The following CACNB4 variants were observed in gnomAD, a reference collection of about 807,000 sequenced individuals.
CACNB4 encodes voltage-dependent L-type calcium channel subunit beta-4.
In CACNB4, 32 loss-of-function variants were observed where a neutral mutation model predicts 71.2. The observed-to-expected ratio is 0.45, with a 90% CI of 0.34 to 0.60. The LOEUF is 0.60. CACNB4 is among the 20% of genes least tolerant of loss of function. CACNB4 has a pLI of 0.01. For missense variants in CACNB4, 464 were observed against 647.9 expected (o/e 0.72, Z 3.08); for synonymous variants, 231 against 236.9 (o/e 0.97, Z 0.23).
At chr2:151,946,417 G>A (rs1245759287) in intron 2 of CACNB4, among the ~76,000 whole-genome samples, 1 of 151,812 alleles carries the variant, frequency 6.6e-6, no homozygotes, top group Non-Finnish European at 1.5e-5. Flanking sequence ...ACACAGGACA[G>A]TCCCAGGCAA....
chr2:151,949,653 G>A (rs189314475), intron 2 of CACNB4, among the ~76,000 whole-genome samples: 13 of 152,316 alleles, frequency 8.5e-5, no homozygotes, highest in African/African-American at 1.2e-4. Context: ...TCAAGGTCCT[G>A]ATGTGCCAAG....
At chr2:152,066,672 CT>C (rs962603702) in intron 2 of CACNB4, among the ~76,000 whole-genome samples, 2 of 150,500 alleles carry the variant, frequency 1.3e-5, no homozygotes, top group African/African-American at 4.9e-5. Context: ...ATAAATCATG[CT>C]GCTATAAAGA....
intron 2 of CACNB4, among the ~76,000 whole-genome samples, chr2:151,901,487 A>G (rs2099853410): frequency 1.3e-5 from 2 of 152,164 alleles, no homozygotes; most frequent in African/African-American, 4.8e-5. Context: ...ATTTTGTGGA[A>G]AGGTTCTTCA....
chr2:151,987,239 A>G (rs1427248203), intron 2 of CACNB4, among the ~76,000 whole-genome samples: 1 of 152,240 alleles, frequency 6.6e-6, no homozygotes, highest in African/African-American at 2.4e-5. Flanking sequence ...AAATTAATTG[A>G]CAATGATGGA....
intron 2 of CACNB4, among the ~76,000 whole-genome samples, chr2:151,959,669 C>CT (rs1178679405): frequency 6.6e-6 from 1 of 151,960 alleles, no homozygotes; most frequent in African/African-American, 2.4e-5. Flanking sequence ...GTATCCGACT[C>CT]TTTTTTTTCT....
At chr2:152,013,497 A>C (rs1256013431) in intron 2 of CACNB4, among the ~76,000 whole-genome samples, 1 of 152,154 alleles carries the variant, frequency 6.6e-6, no homozygotes, top group East Asian at 1.9e-4. Flanking sequence ...AGGTGCCTTT[A>C]GACCTGCTGG....
At chr2:151,864,790 TTAAA>T (rs1352136329) in intron 9 of CACNB4, among the ~76,000 whole-genome samples, 1 of 152,218 alleles carries the variant, frequency 6.6e-6, no homozygotes, top group African/African-American at 2.4e-5. Flanking sequence ...AAGCGCATTC[TTAAA>T]TAATTATTCA....
At chr2:151,949,585 G>C (rs1316302860) in intron 2 of CACNB4, among the ~76,000 whole-genome samples, 2 of 152,144 alleles carry the variant, frequency 1.3e-5, no homozygotes, top group African/African-American at 2.4e-5. Context: ...TGATATGCAA[G>C]GATGGCTGTG....
intron 2 of CACNB4, among the ~76,000 whole-genome samples, chr2:152,079,200 T>C (rs544508709): frequency 6.6e-6 from 1 of 152,150 alleles, no homozygotes; most frequent in South Asian, 2.1e-4. Flanking sequence ...GCCATTCTCC[T>C]GCCTCAGCCT....
At chr2:151,841,759 G>C (rs921539101) in intron 13 of CACNB4, 144 bp downstream of exon 13, 19 of 656,088 alleles carry the variant, frequency 2.9e-5, no homozygotes, top group African/African-American at 2.4e-4. Context: ...ATCATAATTA[G>C]ATAATATTTA....
At chr2:152,027,471 A>G (rs1391618082) in intron 2 of CACNB4, among the ~76,000 whole-genome samples, 1 of 152,170 alleles carries the variant, frequency 6.6e-6, no homozygotes, top group Non-Finnish European at 1.5e-5. Context: ...CTGAGTTTTC[A>G]AGCTCCTCCC....
intron 2 of CACNB4, among the ~76,000 whole-genome samples, chr2:152,035,651 C>CTCTCTCTCTCTCTCTCTCTATA (rs796161186): frequency 1.0e-4 from 12 of 118,074 alleles, no homozygotes; most frequent in African/African-American, 4.3e-4. Context: ...CTCTCTCTCT[C>CTCTCTCTCTCTCTCTCTCTATA]TATATATATA....
At chr2:151,923,618 A>G (rs1387171744) in intron 2 of CACNB4, among the ~76,000 whole-genome samples, 1 of 152,212 alleles carries the variant, frequency 6.6e-6, no homozygotes, top group Non-Finnish European at 1.5e-5. Context: ...TTGGCCAGAT[A>G]ATTTCAGACT....
Position 151,971,659 on chromosome 2 carries a change from GA to G in CACNB4, c.148-88290del, listed in dbSNP as rs1437146427. On this transcript the variant is annotated intron_variant, in intron 2 of 13. Coordinates refer to ENST00000539935, the MANE Select transcript of CACNB4 (RefSeq NM_000726.5). ...TAGGCCTAGTCTTCTCCATTGGCTT[GA>G]AGCTCTGTTCACACCATCTTGGGTA... The G allele has an allele frequency of 5.7e-6, 4 of 702,116 alleles. No individual in the cohort carries two copies. In the East Asian group the frequency reaches 8.0e-5, roughly 14 times the overall value. 43.5% of individuals were successfully genotyped at this position (702,116 alleles called of 1,614,324 possible).
intron 12 of CACNB4, among the ~76,000 whole-genome samples, chr2:151,848,995 C>A (rs752955179): frequency 6.6e-6 from 1 of 151,986 alleles, no homozygotes; most frequent in African/African-American, 2.4e-5. Flanking sequence ...CAAAATCAGG[C>A]TGGTCATATT....
chr2:151,894,478 T>A (rs1578679568), intron 2 of CACNB4, among the ~76,000 whole-genome samples: 1 of 152,260 alleles, frequency 6.6e-6, no homozygotes, highest in East Asian at 1.9e-4. Flanking sequence ...ACAGCTAACA[T>A]CATACTGAAT....
At chr2:152,048,174 T>C (rs970153268) in intron 2 of CACNB4, among the ~76,000 whole-genome samples, 4 of 152,092 alleles carry the variant, frequency 2.6e-5, no homozygotes, top group African/African-American at 9.7e-5. Flanking sequence ...GCATCCCTGG[T>C]CTCTACTCAC....
intron 12 of CACNB4, among the ~76,000 whole-genome samples, chr2:151,843,360 G>A (rs1467674298): frequency 1.3e-5 from 2 of 152,200 alleles, no homozygotes; most frequent in African/African-American, 2.4e-5. Flanking sequence ...TGTGGCCCAG[G>A]CCAGGGTGCA....
Position 151,876,511 on chromosome 2 carries a change from A to T in CACNB4, c.436T>A (p.Cys146Ser). ...GGACTTGGAATGAAGCCAATTTCAC[A>T]GCCCTCTTTCACCAGCCTTCCTATC... ...WWIGRLVKEG[C>S]EIGFIPSPLR... Residue 146 changes from cysteine to serine, a missense_variant, in exon 5 of 14, where the codon TGT becomes AGT. Physicochemically the swap from Cys to Ser is moderately radical, Grantham distance 112. Transcript: ENST00000539935. The T allele has an allele frequency of 6.2e-7, 1 of 1,602,150 alleles. No homozygotes were observed. The highest frequency in any genetic ancestry group is 8.5e-7 in the Non-Finnish European group (1 of 1,171,766).
Sources: gnomAD v4.1 joint callset for allele counts (sites outside exome capture counted in the v4.1 genomes callset) on GRCh38, gnomAD v4.1.1 for gene constraint, MANE v1.5 for transcripts, NCBI Gene and HGNC (gene_info 2026-07-23, HGNC 2026-07-21) for gene names.